Variants in RBM47 observed in about 807,000 individuals in gnomAD.
RBM47 encodes the protein RNA-binding protein 47.
RBM47 carries 21 observed loss-of-function variants against 47.1 expected under a neutral mutation model. That is an observed-to-expected ratio of 0.45 (90% CI 0.32 to 0.64). RBM47 has a LOEUF of 0.64. Among genes scored for constraint, RBM47 ranks in the 30% least tolerant of loss-of-function variants. The probability of loss-of-function intolerance (pLI) is 0.05; values close to 1 mark genes in which losing one functional copy is unlikely to be tolerated. For missense variants in RBM47, 708 were observed against 870.9 expected, an observed-to-expected ratio of 0.81 and a Z score of 2.35; for synonymous variants, 375 against 361.7, an observed-to-expected ratio of 1.04 and a Z score of -0.42.
intron 2 of RBM47, among the ~76,000 whole-genome samples, chr4:40,488,028 AAGAG>A (rs146501419): frequency 3.3e-5 from 5 of 151,762 alleles, no homozygotes; most frequent in South Asian, 4.2e-4. Flanking sequence ...GAAAGAAAGA[AAGAG>A]AGAGAGAGGC....
chr4:40,552,526 A>G (rs1481618200), intron 1 of RBM47, among the ~76,000 whole-genome samples: 2 of 151,230 alleles, frequency 1.3e-5, no homozygotes, highest in Non-Finnish European at 2.9e-5. Flanking sequence ...GGCTAAATTA[A>G]TTTGAACCAG....
At chr4:40,605,781 A>C (rs1267154002) in intron 1 of RBM47, among the ~76,000 whole-genome samples, 2 of 152,078 alleles carry the variant, frequency 1.3e-5, no homozygotes, top group East Asian at 3.9e-4. Context: ...CAGTGAGCCC[A>C]GATCGCACCA....
intron 6 of RBM47, among the ~76,000 whole-genome samples, chr4:40,430,481 C>T (rs1187826614): frequency 6.6e-6 from 1 of 152,254 alleles, no homozygotes; most frequent in Non-Finnish European, 1.5e-5. Context: ...AGTATTATAA[C>T]TATACTTAGT....
rs1714212546 is a variant in RBM47, at chr4:40,444,580, TGAA to T, written c.-31-5659_-31-5657del. Among the ~76,000 whole-genome samples, 3 of 152,254 alleles carry T rather than the reference TGAA, an allele frequency of 2.0e-5. No individual in the cohort carries two copies. In the South Asian group the frequency reaches 6.2e-4, roughly 32 times the overall value. ...TAGGAGATGTGGAAGAGCGCATCCT[TGAA>T]GCTCTTAGATTCTGCTTGCTACGTA... On this transcript the variant is annotated intron_variant, in intron 3 of 6. Coordinates refer to ENST00000295971, the MANE Select transcript of RBM47 (RefSeq NM_001098634.2).
rs1021618868 is a variant in RBM47, at chr4:40,554,257, A to T, written c.-239-9751T>A. Among the ~76,000 whole-genome samples the T allele has an allele frequency of 2.6e-5, 4 of 152,222 alleles. No homozygotes were observed. In the East Asian group the frequency reaches 5.8e-4, roughly 22 times the overall value. On this transcript the variant is annotated intron_variant, in intron 1 of 6. Transcript: ENST00000295971. ...CAGTCACTTGAGTCATGCGTCATTT[A>T]CTTCCTGTCCTCTGTCCTTTTAAAG...
intron 1 of RBM47, among the ~76,000 whole-genome samples, chr4:40,623,119 C>T (rs566458713): frequency 7.9e-5 from 12 of 152,228 alleles, no homozygotes; most frequent in African/African-American, 2.2e-4. Context: ...CAGTTCCCAC[C>T]GGAGAAGTGA....
intron 6 of RBM47, among the ~76,000 whole-genome samples, chr4:40,431,590 G>A (rs979484255): frequency 5.9e-5 from 9 of 151,848 alleles, no homozygotes; most frequent in Admixed American, 2.6e-4. Flanking sequence ...CCTGGGAGGC[G>A]GAGCTTGCAG....
chr4:40,510,321 A>C (rs1577845118), intron 2 of RBM47, among the ~76,000 whole-genome samples: 1 of 151,906 alleles, frequency 6.6e-6, no homozygotes, highest in East Asian at 1.9e-4. Flanking sequence ...CCTATTTCTC[A>C]CCATTGTCTG....
intron 4 of RBM47, 106 bp from the exon 5 acceptor site, chr4:40,436,753 G>T: frequency 9.4e-7 from 1 of 1,064,388 alleles, no homozygotes. Flanking sequence ...CTTAATTGCA[G>T]GTGGCTACAC....
intron 2 of RBM47, among the ~76,000 whole-genome samples, chr4:40,493,371 G>T (rs181221418): frequency 2.0e-5 from 3 of 152,338 alleles, no homozygotes; most frequent in Admixed American, 2.0e-4. Flanking sequence ...AAGGCATTCT[G>T]GGGTGGATGT....
chr4:40,438,364 C>A lies in RBM47; in HGVS notation c.530G>T (p.Gly177Val). Residue 177 changes from glycine to valine, a missense_variant, in exon 4 of 7, where the codon GGC becomes GTC. By Grantham distance (109) the Gly-to-Val change is moderately radical. Transcript: ENST00000295971. ...GGCGTAGACGATCACGTCCAGCACG[C>A]CCTCGGTGACCTTGGCAATCTCCTC... ...ILEEIAKVTEGVLDVIVYASA... is the reference protein window; with the variant it reads ...ILEEIAKVTEVVLDVIVYASA... The A allele has an allele frequency of 6.2e-7, 1 of 1,612,266 alleles. No individual in the cohort carries two copies. The highest frequency in any genetic ancestry group is 8.5e-7 in the Non-Finnish European group (1 of 1,179,962).
At chr4:40,574,301 C>G (rs1185646732) in intron 1 of RBM47, among the ~76,000 whole-genome samples, 3 of 152,096 alleles carry the variant, frequency 2.0e-5, no homozygotes, top group African/African-American at 7.2e-5. Context: ...TCAGTTAAGA[C>G]CGAGTTTAAT....
At chr4:40,486,069 C>CAAAAAAAAAAAAAAAAAAAAAAA (rs201408070) in intron 2 of RBM47, among the ~76,000 whole-genome samples, 1 of 62,818 alleles carries the variant, frequency 1.6e-5, no homozygotes, top group Non-Finnish European at 3.5e-5. Flanking sequence ...AACCCTGTTT[C>CAAAAAAAAAAAAAAAAAAAAAAA]AAAAAAAAAA....
At chr4:40,507,325 C>T (rs1426006258) in intron 2 of RBM47, among the ~76,000 whole-genome samples, 1 of 142,716 alleles carries the variant, frequency 7.0e-6, no homozygotes, top group Non-Finnish European at 1.5e-5. Flanking sequence ...CTCAGTAATT[C>T]TCACTTGAAA....
intron 2 of RBM47, among the ~76,000 whole-genome samples, chr4:40,467,029 G>A (rs1050834470): frequency 6.6e-6 from 1 of 152,092 alleles, no homozygotes; most frequent in Admixed American, 6.6e-5. Flanking sequence ...GTTTAAGAAG[G>A]AATACAGATG....
intron 1 of RBM47, among the ~76,000 whole-genome samples, chr4:40,605,831 T>TA (rs994315754): frequency 2.1e-5 from 3 of 145,830 alleles, no homozygotes; most frequent in Admixed American, 6.9e-5. Flanking sequence ...GACTCCATCT[T>TA]AAAAAAAAAG....
At chr4:40,441,143 G>T (rs1713564681) in intron 3 of RBM47, among the ~76,000 whole-genome samples, 1 of 150,878 alleles carries the variant, frequency 6.6e-6, no homozygotes, top group African/African-American at 2.4e-5. Flanking sequence ...GAGATGGAGG[G>T]CCAGGCAGAG....
chr4:40,537,981 AGGCGTGTGCGTGT>A (rs945348964), intron 2 of RBM47, among the ~76,000 whole-genome samples: 44 of 110,056 alleles, frequency 4.0e-4, no homozygotes, highest in African/African-American at 3.4e-3. Context: ...CTAGGACTAC[AGGCGTGTGCGTGT>A]GCCACCATGC....
intron 2 of RBM47, among the ~76,000 whole-genome samples, chr4:40,529,761 G>A (rs1273401165): frequency 1.0e-4 from 14 of 140,278 alleles, no homozygotes; most frequent in African/African-American, 2.4e-4. Context: ...CCCGGAAGGC[G>A]GAGGTTGCAG....
Sources: allele counts gnomAD v4.1 joint callset (sites outside exome capture counted in the v4.1 genomes callset), GRCh38; gene constraint gnomAD v4.1.1; transcripts MANE v1.5; gene names NCBI Gene and HGNC (gene_info 2026-07-23, HGNC 2026-07-21).